The following CCDC201 variants were observed in gnomAD, a reference collection of about 807,000 sequenced individuals.
CCDC201 encodes coiled-coil domain-containing protein 201.
chr7:45,862,041 T>C (rs1786608805), exon 3 of CCDC201: 1 of 152,294 alleles, frequency 6.6e-6, no homozygotes. Flanking sequence ...TTCCTTACAA[T>C]ATGTATTACC....
At chr7:45,873,717 T>C (rs1012401066), upstream of CCDC201, among the ~76,000 whole-genome samples, 4 of 152,212 alleles carry the variant, frequency 2.6e-5, no homozygotes, top group Admixed American at 2.0e-4. Flanking sequence ...TTTACCAATC[T>C]ATACTAAAGC....
At chr7:45,877,226 C>T (rs1406466734), upstream of CCDC201, among the ~76,000 whole-genome samples, 2 of 152,182 alleles carry the variant, frequency 1.3e-5, no homozygotes, top group Admixed American at 1.3e-4. Context: ...GATTTTCCAC[C>T]TGCATTTCCC....
intron 1 of CCDC201, among the ~76,000 whole-genome samples, chr7:45,867,814 C>T (rs28436167): frequency 0.055 from 8,389 of 152,296 alleles, 328 homozygotes; most frequent in East Asian, 0.19. Context: ...TGCATTTGTA[C>T]ACAGAGAGGA....
chr7:45,876,739 C>T (rs1037516972), upstream of CCDC201, among the ~76,000 whole-genome samples: 2 of 152,208 alleles, frequency 1.3e-5, no homozygotes, highest in Admixed American at 1.3e-4. Context: ...TGGCAGCCGT[C>T]AGGTGCTGTC....
upstream of CCDC201, among the ~76,000 whole-genome samples, chr7:45,876,974 C>G (rs572736051): frequency 6.6e-6 from 1 of 152,364 alleles, no homozygotes; most frequent in Admixed American, 6.5e-5. Flanking sequence ...CATGTTGAAA[C>G]CCCATTAGGG....
chr7:45,879,106 G>A, the CCDC201 span, among the ~76,000 whole-genome samples: 24 of 152,338 alleles, frequency 1.6e-4, no homozygotes, highest in African/African-American at 4.6e-4. Context: ...CTAAAGCATA[G>A]CAAGATTGAC....
chr7:45,865,355 G>A (rs1448121646), intron 2 of CCDC201, among the ~76,000 whole-genome samples: 1 of 152,196 alleles, frequency 6.6e-6, no homozygotes, highest in Non-Finnish European at 1.5e-5. Flanking sequence ...TGCCCTGCTG[G>A]TTCTCCAGCT....
At chr7:45,867,784 C>T (rs1199508760) in intron 1 of CCDC201, among the ~76,000 whole-genome samples, 2 of 152,174 alleles carry the variant, frequency 1.3e-5, no homozygotes, top group Non-Finnish European at 2.9e-5. Flanking sequence ...AGGACGTCAC[C>T]ACTTTGCTAA....
chr7:45,862,929 T>A (rs2116514963), exon 3 of CCDC201: 1 of 152,420 alleles, frequency 6.6e-6, no homozygotes, highest in African/African-American at 2.4e-5. Flanking sequence ...ATTTACAGTC[T>A]AAGCAACAGG....
At chr7:45,882,349 A>C in the CCDC201 span, among the ~76,000 whole-genome samples, 1 of 152,228 alleles carries the variant, frequency 6.6e-6, no homozygotes, top group African/African-American at 2.4e-5. Context: ...CTGTTCATGC[A>C]GTGCTTTCTT....
the CCDC201 span, among the ~76,000 whole-genome samples, chr7:45,883,474 C>T: frequency 1.7e-3 from 251 of 152,084 alleles, 1 homozygote; most frequent in African/African-American, 5.6e-3. Flanking sequence ...AGGAACAGTG[C>T]CATGAAGATA....
upstream of CCDC201, among the ~76,000 whole-genome samples, chr7:45,873,460 A>G (rs907171918): frequency 7.9e-5 from 12 of 151,740 alleles, no homozygotes; most frequent in African/African-American, 2.9e-4. Flanking sequence ...GTTTCTCTGC[A>G]GAAGACTCCT....
chr7:45,875,343 A>C, upstream of CCDC201, among the ~76,000 whole-genome samples: 1 of 152,124 alleles, frequency 6.6e-6, no homozygotes, highest in East Asian at 1.9e-4. Flanking sequence ...GAAAATACAA[A>C]AATTAGCCAG....
upstream of CCDC201, among the ~76,000 whole-genome samples, chr7:45,877,821 A>G (rs1410745059): frequency 6.6e-6 from 1 of 152,162 alleles, no homozygotes; most frequent in African/African-American, 2.4e-5. Flanking sequence ...ACATTGCAAA[A>G]TACAATCATT....
upstream of CCDC201, among the ~76,000 whole-genome samples, chr7:45,876,228 C>T (rs1050006499): frequency 1.4e-4 from 22 of 152,234 alleles, no homozygotes; most frequent in African/African-American, 5.3e-4. Flanking sequence ...AGAGGGCCCT[C>T]TTGAGCACAA....
chr7:45,880,671 G>T, the CCDC201 span, among the ~76,000 whole-genome samples: 1 of 152,252 alleles, frequency 6.6e-6, no homozygotes, highest in African/African-American at 2.4e-5. Flanking sequence ...CAGGGTCATT[G>T]CTGCCTGGCC....
At chr7:45,863,851 C>T (rs189925874) in intron 2 of CCDC201, among the ~76,000 whole-genome samples, 40 of 152,206 alleles carry the variant, frequency 2.6e-4, no homozygotes, top group African/African-American at 7.7e-4. Context: ...GAATAAGGAA[C>T]GAGAGTGGCC....
chr7:45,880,421 C>T, the CCDC201 span, among the ~76,000 whole-genome samples: 1 of 152,228 alleles, frequency 6.6e-6, no homozygotes, highest in Non-Finnish European at 1.5e-5. Context: ...GTGATGGCAC[C>T]CTGTGTGATA....
chr7:45,864,875 C>T (rs573763434), intron 2 of CCDC201, among the ~76,000 whole-genome samples: 25 of 152,128 alleles, frequency 1.6e-4, no homozygotes, highest in Admixed American at 4.6e-4. Flanking sequence ...GGATCACAGA[C>T]GGAGAAAGAA....
Sources: allele counts gnomAD v4.1 joint callset (sites outside exome capture counted in the v4.1 genomes callset), GRCh38; gene constraint gnomAD v4.1.1; transcripts MANE v1.5; gene names NCBI Gene and HGNC (gene_info 2026-07-23, HGNC 2026-07-21).